Variants in FGF12 observed in about 807,000 individuals in gnomAD.
The protein encoded by FGF12 is fibroblast growth factor 12B.
A neutral mutation model predicts 23.6 loss-of-function variants in FGF12; 14 were observed. That is an observed-to-expected ratio of 0.59 (90% CI 0.39 to 0.93). FGF12 has a LOEUF of 0.93. FGF12 is among the 40% of genes least tolerant of loss of function. FGF12 has a pLI of 0.00. For synonymous variants in FGF12, 62 were observed against 77.3 expected (o/e 0.80, Z 1.04); for missense variants, 175 against 217.8 (o/e 0.80, Z 1.24).
intron 2 of FGF12, among the ~76,000 whole-genome samples, chr3:192,613,292 T>C (rs1323330284): frequency 1.3e-5 from 2 of 151,862 alleles, no homozygotes; most frequent in African/African-American, 2.4e-5. Context: ...CTCATTTTAT[T>C]TATGAGCATT....
At chr3:192,422,643 C>G (rs1288275504) in intron 2 of FGF12, among the ~76,000 whole-genome samples, 1 of 152,092 alleles carries the variant, frequency 6.6e-6, no homozygotes, top group Admixed American at 6.6e-5. Context: ...CTGGTCTAAG[C>G]ACTTTATATG....
chr3:192,171,362 A>T (rs2108620090), intron 4 of FGF12, among the ~76,000 whole-genome samples: 1 of 151,534 alleles, frequency 6.6e-6, no homozygotes, highest in Middle Eastern at 3.4e-3. Flanking sequence ...CTTCAACTCC[A>T]GCATTTGGTA....
chr3:192,545,456 T>TC (rs1725472526), intron 2 of FGF12, among the ~76,000 whole-genome samples: 1 of 152,188 alleles, frequency 6.6e-6, no homozygotes, highest in Non-Finnish European at 1.5e-5. Flanking sequence ...CACTGATCTT[T>TC]CTCTCCCACA....
chr3:192,562,501 T>C (rs1327446172), intron 2 of FGF12, among the ~76,000 whole-genome samples: 1 of 152,122 alleles, frequency 6.6e-6, no homozygotes, highest in Non-Finnish European at 1.5e-5. Context: ...AAAATTTGAT[T>C]GAAATAAAAA....
intron 2 of FGF12, among the ~76,000 whole-genome samples, chr3:192,709,153 A>T (rs1035468969): frequency 2.0e-5 from 3 of 152,190 alleles, no homozygotes; most frequent in Non-Finnish European, 4.4e-5. Context: ...AAAATGACAC[A>T]CCGAAGCTTC....
intron 2 of FGF12, among the ~76,000 whole-genome samples, chr3:192,716,155 A>G (rs1304563547): frequency 1.3e-5 from 2 of 152,192 alleles, no homozygotes; most frequent in Non-Finnish European, 2.9e-5. Context: ...AGAAAAGTAA[A>G]CTCAAAAGCC....
At chr3:192,430,279 TG>T (rs1721822085) in intron 2 of FGF12, among the ~76,000 whole-genome samples, 1 of 152,134 alleles carries the variant, frequency 6.6e-6, no homozygotes, top group Non-Finnish European at 1.5e-5. Flanking sequence ...AGGCAAACAC[TG>T]TATTATTCTT....
chr3:192,460,210 G>A (rs769005338), intron 2 of FGF12, among the ~76,000 whole-genome samples: 8 of 152,204 alleles, frequency 5.3e-5, no homozygotes, highest in Non-Finnish European at 1.0e-4. Flanking sequence ...CAAAGAAAAT[G>A]TAAAGCATGC....
intron 4 of FGF12, among the ~76,000 whole-genome samples, chr3:192,213,719 GTC>G (rs1208393511): frequency 2.6e-5 from 4 of 152,164 alleles, no homozygotes; most frequent in Non-Finnish European, 5.9e-5. Context: ...CATAAGAACT[GTC>G]TCTCTCCGTG....
chr3:192,264,515 A>T (rs1712958043), intron 4 of FGF12, among the ~76,000 whole-genome samples: 1 of 152,120 alleles, frequency 6.6e-6, no homozygotes, highest in Non-Finnish European at 1.5e-5. Flanking sequence ...GTAAACAAAA[A>T]TTCAAAGAGC....
intron 2 of FGF12, among the ~76,000 whole-genome samples, chr3:192,540,597 G>T (rs1725341049): frequency 2.6e-5 from 4 of 152,116 alleles, no homozygotes; most frequent in Admixed American, 2.0e-4. Context: ...GTACTGAGGA[G>T]AATATGTATT....
chr3:192,176,046 C>T (rs1373708029), intron 4 of FGF12, among the ~76,000 whole-genome samples: 1 of 152,100 alleles, frequency 6.6e-6, no homozygotes, highest in Non-Finnish European at 1.5e-5. Flanking sequence ...ATGGAATTCC[C>T]CTTAAGATAT....
intron 4 of FGF12, among the ~76,000 whole-genome samples, chr3:192,309,045 A>G (rs1040183856): frequency 6.6e-6 from 1 of 152,264 alleles, no homozygotes; most frequent in African/African-American, 2.4e-5. Flanking sequence ...TGTAAATTAA[A>G]GAATCACCCT....
intron 2 of FGF12, among the ~76,000 whole-genome samples, chr3:192,527,134 G>A (rs1029334073): frequency 2.0e-5 from 3 of 152,184 alleles, no homozygotes; most frequent in Non-Finnish European, 4.4e-5. Context: ...CCCTCACAAT[G>A]GGACTGGTGG....
chr3:192,202,329 G>A (rs977497550), intron 4 of FGF12, among the ~76,000 whole-genome samples: 1 of 152,160 alleles, frequency 6.6e-6, no homozygotes, highest in Non-Finnish European at 1.5e-5. Flanking sequence ...TTGATGTCAG[G>A]CTTTGGAAGG....
At chr3:192,330,868 A>G (rs2108692367) in intron 4 of FGF12, among the ~76,000 whole-genome samples, 1 of 152,310 alleles carries the variant, frequency 6.6e-6, no homozygotes, top group South Asian at 2.1e-4. Context: ...ACTACATGCA[A>G]CTTTAAAAAT....
At chr3:192,482,589 G>A (rs938389952) in intron 2 of FGF12, among the ~76,000 whole-genome samples, 1 of 152,218 alleles carries the variant, frequency 6.6e-6, no homozygotes, top group South Asian at 2.1e-4. Context: ...AGCCAAGATC[G>A]CATCAGTGCA....
chr3:192,413,940 A>G (rs946291993), intron 2 of FGF12, among the ~76,000 whole-genome samples: 1 of 152,248 alleles, frequency 6.6e-6, no homozygotes, highest in South Asian at 2.1e-4. Flanking sequence ...CAAAAGCAAT[A>G]TAAAGAACTA....
At chr3:192,244,462 T>C (rs74910404) in intron 4 of FGF12, among the ~76,000 whole-genome samples, 3,079 of 152,188 alleles carry the variant, frequency 0.02, 80 homozygotes, top group African/African-American at 0.059. Flanking sequence ...CTATCTTTTC[T>C]AACAAAGAGA....
Sources: gnomAD v4.1 joint callset for allele counts (sites outside exome capture counted in the v4.1 genomes callset) on GRCh38, gnomAD v4.1.1 for gene constraint, MANE v1.5 for transcripts, NCBI Gene and HGNC (gene_info 2026-07-23, HGNC 2026-07-21) for gene names.